The following IGF2R variants were observed in gnomAD, a reference collection of about 807,000 sequenced individuals.
The protein encoded by IGF2R is insulin like growth factor 2 receptor.
A neutral mutation model predicts 270.6 loss-of-function variants in IGF2R; 91 were observed. That is an observed-to-expected ratio of 0.34 (90% CI 0.28 to 0.40). IGF2R has a LOEUF of 0.40. Ranked by LOEUF, IGF2R falls within the 10% of genes least tolerant of loss-of-function variation. IGF2R has a pLI of 1.00. For synonymous variants in IGF2R, 1,316 were observed against 1,258.9 expected, an observed-to-expected ratio of 1.05 and a Z score of -0.96; for missense variants, 2,805 against 3,188.3, an observed-to-expected ratio of 0.88 and a Z score of 2.90.
rs186610299 is a variant in IGF2R at position 160,046,471 on chromosome 6, A to G, written c.1904-27A>G. On this transcript the variant is annotated intron_variant, in intron 14 of 47. Transcript: ENST00000356956. Reference sequence around the variant, plus strand: ...GTTAACTGTCGGACTGACCTTCCATACTTTTATTGTTTTTATTCTTTCTTA... The same window carrying G: ...GTTAACTGTCGGACTGACCTTCCATGCTTTTATTGTTTTTATTCTTTCTTA... 14 of 1,593,426 alleles carry G rather than the reference A, an allele frequency of 8.8e-6. No homozygotes were observed. In the Admixed American group the frequency reaches 1.8e-4, roughly 21 times the overall value.
intron 44 of IGF2R, chr6:160,094,264 C>G: frequency 3.3e-6 from 1 of 304,442 alleles, no homozygotes; most frequent in Non-Finnish European, 6.4e-6. Context: ...CTCTGTTCTG[C>G]TGCTGAATGC....
chr6:160,029,177 C>T (rs373743977), intron 6 of IGF2R, among the ~76,000 whole-genome samples: 1 of 152,108 alleles, frequency 6.6e-6, no homozygotes, highest in Non-Finnish European at 1.5e-5. Flanking sequence ...GATGGAGGTT[C>T]GCTGTGTTGG....
intron 18 of IGF2R, among the ~76,000 whole-genome samples, chr6:160,049,117 T>C (rs1778137447): frequency 6.6e-6 from 1 of 152,184 alleles, no homozygotes. Context: ...GTACTTTTCT[T>C]GGTGTATGCT....
chr6:160,044,467 G>T (rs1778023907), intron 12 of IGF2R, 47 bp from the exon 13 acceptor site: 4 of 1,403,464 alleles, frequency 2.9e-6, no homozygotes, highest in South Asian at 2.5e-5. Flanking sequence ...TCTGCGTGAT[G>T]ATCATTTTTA....
chr6:160,080,019 C>G, intron 38 of IGF2R, 110 bp from the exon 39 acceptor site: 1 of 1,326,044 alleles, frequency 7.5e-7, no homozygotes, highest in Non-Finnish European at 1.0e-6. Context: ...CCGGTTGTCA[C>G]GTAGGTGCTT....
intron 44 of IGF2R, among the ~76,000 whole-genome samples, chr6:160,092,921 G>A (rs189695167): frequency 6.6e-6 from 1 of 152,188 alleles, no homozygotes; most frequent in African/African-American, 2.4e-5. Context: ...GTCCACACAA[G>A]GGTTCCTCAC....
chr6:160,023,626 ACT>A (rs1777486788), intron 4 of IGF2R, among the ~76,000 whole-genome samples: 1 of 152,152 alleles, frequency 6.6e-6, no homozygotes, highest in Non-Finnish European at 1.5e-5. Context: ...ATGGAGGTTA[ACT>A]TCATTCATGG....
intron 2 of IGF2R, among the ~76,000 whole-genome samples, chr6:160,002,362 G>A (rs1213533820): frequency 6.6e-6 from 1 of 152,220 alleles, no homozygotes; most frequent in African/African-American, 2.4e-5. Context: ...CTGTACTCCT[G>A]CCTAGGTAAG....
chr6:160,038,661 T>G (rs375944696), intron 10 of IGF2R, among the ~76,000 whole-genome samples: 290 of 152,274 alleles, frequency 1.9e-3, no homozygotes, highest in Middle Eastern at 6.8e-3. Context: ...GCGTCACTGT[T>G]GCTGTTAGTT....
intron 4 of IGF2R, among the ~76,000 whole-genome samples, chr6:160,012,441 A>C (rs1341136407): frequency 6.6e-6 from 1 of 152,140 alleles, no homozygotes; most frequent in Non-Finnish European, 1.5e-5. Flanking sequence ...CTGCATCTGG[A>C]GAAGCCTCAG....
chr6:160,062,641 C>CA, intron 26 of IGF2R, 22 bp downstream of exon 26: 1 of 1,562,890 alleles, frequency 6.4e-7, no homozygotes, highest in Middle Eastern at 1.7e-4. Flanking sequence ...CCTGTCCCTA[C>CA]AAGTCATTTT....
intron 4 of IGF2R, among the ~76,000 whole-genome samples, chr6:160,015,063 A>C (rs769986023): frequency 1.3e-5 from 2 of 152,210 alleles, no homozygotes; most frequent in Non-Finnish European, 2.9e-5. Context: ...TTAGCTCTCC[A>C]TGAATCTCTG....
rs764993315 is a variant in IGF2R, at chr6:160,102,761, GT to G, written c.6995+95del. The G allele has an allele frequency of 2.1e-6, 3 of 1,406,824 alleles. No homozygotes were observed. The highest frequency in any genetic ancestry group is 2.9e-6 in the Non-Finnish European group (3 of 1,041,628). 87.1% of individuals were successfully genotyped at this position (1,406,824 alleles called of 1,614,324 possible). The stretch of plus-strand genomic sequence containing the variant: ...CAGTTTTGTGGGGTTTTATTTATTT[GT>G]TTTTAAGCCCTACAGCAGCGAAGGC... On this transcript the variant is annotated intron_variant, in intron 46 of 47. Transcript: ENST00000356956. The surrounding 1 kb of genome is among the most constrained non-coding windows in gnomAD (Gnocchi z 4.5).
In IGF2R at chr6:160,056,415, C is replaced by T. The variant is rs1778318314; in HGVS notation, c.2695-9C>T. The T allele has an allele frequency of 1.9e-6, 3 of 1,590,894 alleles. No homozygotes were observed. Among genetic ancestry groups the T allele is most frequent in the East Asian group, 2.2e-5 (1 of 44,770 alleles). ...TGTATTGACTTTTACCCTGGATTTG[C>T]CCATTCAGAACAGCCACCCCATCTT... is the stretch of plus-strand genomic sequence containing the variant. On this transcript the variant is annotated splice_polypyrimidine_tract_variant and intron_variant, in intron 19 of 47. Coordinates refer to ENST00000356956, the MANE Select transcript of IGF2R (RefSeq NM_000876.4).
At chr6:160,059,217 C>A in intron 22 of IGF2R, 119 bp downstream of exon 22, 1 of 779,148 alleles carries the variant, frequency 1.3e-6, no homozygotes, top group Non-Finnish European at 2.0e-6. Context: ...CTGTGCTGTC[C>A]ACCTTGCTGC....
At chr6:160,060,462 C>A in intron 22 of IGF2R, 85 bp from the exon 23 acceptor site, 1 of 1,363,784 alleles carries the variant, frequency 7.3e-7, no homozygotes, top group Non-Finnish European at 1.0e-6. Flanking sequence ...CCAGTGGCAG[C>A]CTTGTCCTGT....
chr6:159,985,368 C>T (rs141777200), intron 1 of IGF2R, among the ~76,000 whole-genome samples: 75 of 152,294 alleles, frequency 4.9e-4, no homozygotes, highest in East Asian at 2.5e-3. Flanking sequence ...TTTATAATTC[C>T]GTGATGTTGG....
chr6:159,989,170 A>G (rs1376587101), intron 1 of IGF2R, among the ~76,000 whole-genome samples: 2 of 152,032 alleles, frequency 1.3e-5, no homozygotes, highest in African/African-American at 4.8e-5. Flanking sequence ...TTGAAGGCCT[A>G]TGTGTGCGGT....
intron 4 of IGF2R, among the ~76,000 whole-genome samples, chr6:160,023,327 C>G (rs1479991710): frequency 6.6e-6 from 1 of 151,926 alleles, no homozygotes; most frequent in Non-Finnish European, 1.5e-5. Flanking sequence ...GGTTTTGGCT[C>G]AAGCAACTGG....
Sources: gnomAD v4.1 joint callset for allele counts (sites outside exome capture counted in the v4.1 genomes callset) on GRCh38, gnomAD v4.1.1 for gene constraint, Gnocchi (gnomAD v3.1) non-coding constraint, MANE v1.5 for transcripts, NCBI Gene and HGNC (gene_info 2026-07-23, HGNC 2026-07-21) for gene names.